Variants in CD38 observed in about 807,000 individuals in gnomAD.
The protein encoded by CD38 is ADP-ribosyl cyclase/cyclic ADP-ribose hydrolase 1.
In CD38, 31 loss-of-function variants were observed where a neutral mutation model predicts 36.3. That is an observed-to-expected ratio of 0.85 (90% CI 0.64 to 1.15). The LOEUF is 1.15. CD38 is among the 50% of genes most tolerant of loss of function. The pLI is 0.00. For synonymous variants in CD38, 131 were observed against 135.2 expected (o/e 0.97, Z 0.22); for missense variants, 380 against 371.9 (o/e 1.02, Z -0.18).
intron 1 of CD38, among the ~76,000 whole-genome samples, chr4:15,802,453 G>C (rs1431092613): frequency 6.6e-6 from 1 of 151,924 alleles, no homozygotes; most frequent in African/African-American, 2.4e-5. Flanking sequence ...AATTTGTTAG[G>C]AACCATAAAA....
chr4:15,831,672 G>C (rs1723962010), intron 3 of CD38, among the ~76,000 whole-genome samples: 1 of 151,930 alleles, frequency 6.6e-6, no homozygotes, highest in Non-Finnish European at 1.5e-5. Flanking sequence ...AAACTCCCTT[G>C]TATGCTATTT....
chr4:15,801,197 C>A (rs1469006143), intron 1 of CD38, among the ~76,000 whole-genome samples: 2 of 151,828 alleles, frequency 1.3e-5, no homozygotes, highest in South Asian at 2.1e-4. Context: ...TTTCTGGGCA[C>A]CTACAACCTA....
rs149661579 is a variant in CD38, at chr4:15,817,742, C to A, written c.363+1102C>A. Among the ~76,000 whole-genome samples the A allele has an allele frequency of 4.7e-4, 72 of 152,290 alleles. No individual in the cohort carries two copies. The South Asian group carries it at 0.011, about 22-fold the overall frequency. On this transcript the variant is annotated intron_variant, in intron 2 of 7. Coordinates refer to ENST00000226279, the MANE Select transcript of CD38 (RefSeq NM_001775.4). Reference sequence around the variant, plus strand: ...GCCCATACTTTAAACCAGTATCCTTCACTGACTCCCATTAAGAATGAATAG... The same window carrying A: ...GCCCATACTTTAAACCAGTATCCTTAACTGACTCCCATTAAGAATGAATAG...
chr4:15,797,964 T>C (rs2148917763), intron 1 of CD38, among the ~76,000 whole-genome samples: 1 of 152,108 alleles, frequency 6.6e-6, no homozygotes, highest in South Asian at 2.1e-4. Flanking sequence ...TTTGGGGGGG[T>C]AAAATTCAAT....
intron 1 of CD38, among the ~76,000 whole-genome samples, chr4:15,791,242 C>T (rs1722978869): frequency 1.7e-5 from 1 of 59,464 alleles, no homozygotes; most frequent in Non-Finnish European, 3.1e-5. Context: ...GCCCGGCCGC[C>T]CGTACTGGGA....
intron 3 of CD38, among the ~76,000 whole-genome samples, chr4:15,833,501 AT>A (rs1351197391): frequency 9.9e-5 from 15 of 152,216 alleles, no homozygotes; most frequent in Admixed American, 7.2e-4. Flanking sequence ...ATATCTACAC[AT>A]GGGAATGTTT....
At chr4:15,802,914 A>C (rs1306700882) in intron 1 of CD38, among the ~76,000 whole-genome samples, 1 of 152,228 alleles carries the variant, frequency 6.6e-6, no homozygotes, top group Non-Finnish European at 1.5e-5. Flanking sequence ...ATAATACTAT[A>C]GTAAAACAGC....
chr4:15,790,714 C>A (rs1199759486), intron 1 of CD38, among the ~76,000 whole-genome samples: 100 of 150,288 alleles, frequency 6.7e-4, no homozygotes, highest in African/African-American at 2.4e-3. Context: ...CGGCCGCCAT[C>A]CCATCTAGGA....
intron 3 of CD38, among the ~76,000 whole-genome samples, chr4:15,830,913 T>A (rs2148926097): frequency 6.6e-6 from 1 of 152,288 alleles, no homozygotes; most frequent in Non-Finnish European, 1.5e-5. Flanking sequence ...CCTGCCATTT[T>A]GTTACTTGTT....
intron 2 of CD38, among the ~76,000 whole-genome samples, chr4:15,819,154 G>T (rs1008892554): frequency 2.6e-5 from 4 of 152,182 alleles, no homozygotes; most frequent in African/African-American, 9.7e-5. Context: ...CATGGACACA[G>T]GGAGGGGAAC....
At chr4:15,794,829 C>T (rs1444027268) in intron 1 of CD38, among the ~76,000 whole-genome samples, 2 of 152,040 alleles carry the variant, frequency 1.3e-5, no homozygotes, top group Admixed American at 6.6e-5. Context: ...AATTTCATTA[C>T]ATTATATAAG....
chr4:15,778,706 C>A lies in CD38; in HGVS notation c.233+59C>A. On this transcript the variant is annotated intron_variant, in intron 1 of 7. Transcript: ENST00000226279. The surrounding 1 kb of genome is among the most constrained non-coding windows in gnomAD (Gnocchi z 4.9). Reference sequence around the variant, plus strand: ...TGCGGGGACAGCAGGGCCCCGCGCGCAGGGAAGCCGCCCGGATCGCCCGGA... The same window carrying A: ...TGCGGGGACAGCAGGGCCCCGCGCGAAGGGAAGCCGCCCGGATCGCCCGGA... The A allele has an allele frequency of 3.2e-6, 4 of 1,240,130 alleles. No homozygotes were observed. The highest frequency in any genetic ancestry group is 4.6e-6 in the Non-Finnish European group (4 of 862,924). 76.8% of individuals were successfully genotyped at this position (1,240,130 alleles called of 1,614,324 possible). A position where few individuals can be genotyped will look rare whatever the true frequency, so the allele number is the denominator to read the frequency against.
intron 1 of CD38, among the ~76,000 whole-genome samples, chr4:15,782,064 C>A (rs1004291077): frequency 6.6e-6 from 1 of 152,116 alleles, no homozygotes; most frequent in Non-Finnish European, 1.5e-5. Flanking sequence ...GCTGGTCAGG[C>A]CTCCCTTCCT....
rs2148924587 is a variant in CD38, at chr4:15,825,000, T to C, written c.483T>C (p.Gly161=). 6.2e-7 allele frequency: 1 copy of C among 1,612,492 alleles called. No homozygotes were observed. The highest frequency in any genetic ancestry group is 8.5e-7 in the Non-Finnish European group (1 of 1,179,168). ...GYLADDLTWC[G]EFNTSKINYQ... Reference sequence around the variant, plus strand: ...TTGCTGATGACCTCACATGGTGTGGTGAATTCAACACTTCCAGTGAGGCTC... The same window carrying C: ...TTGCTGATGACCTCACATGGTGTGGCGAATTCAACACTTCCAGTGAGGCTC... Residue 161 remains glycine (G), a synonymous_variant, in exon 3 of 8, where the codon GGT becomes GGC. Transcript: ENST00000226279.
chr4:15,779,869 C>A (rs1458620636), intron 1 of CD38, among the ~76,000 whole-genome samples: 4 of 151,488 alleles, frequency 2.6e-5, no homozygotes, highest in Non-Finnish European at 5.9e-5. Flanking sequence ...TATCTCATTT[C>A]TTTTGACAGC....
At chr4:15,804,362 T>TG (rs1351088322) in intron 1 of CD38, among the ~76,000 whole-genome samples, 4 of 152,204 alleles carry the variant, frequency 2.6e-5, no homozygotes, top group African/African-American at 9.7e-5. Flanking sequence ...GAAAGCAGTG[T>TG]GGAAGTTCCT....
At chr4:15,784,419 G>GC (rs1722767593) in intron 1 of CD38, among the ~76,000 whole-genome samples, 1 of 152,204 alleles carries the variant, frequency 6.6e-6, no homozygotes, top group South Asian at 2.1e-4. Flanking sequence ...AGATGCTACT[G>GC]CCAGGGAAGA....
chr4:15,799,269 C>T (rs1193164335), intron 1 of CD38, among the ~76,000 whole-genome samples: 1 of 152,092 alleles, frequency 6.6e-6, no homozygotes, highest in Admixed American at 6.6e-5. Flanking sequence ...AATAATCCAT[C>T]CTTTATCGAG....
chr4:15,817,562 T>G (rs1723627806), intron 2 of CD38, among the ~76,000 whole-genome samples: 1 of 152,086 alleles, frequency 6.6e-6, no homozygotes, highest in Non-Finnish European at 1.5e-5. Context: ...TTTATCTCAG[T>G]TAATTTCCCT....
Sources: allele counts gnomAD v4.1 joint callset (sites outside exome capture counted in the v4.1 genomes callset), GRCh38; gene constraint gnomAD v4.1.1; non-coding constraint Gnocchi (gnomAD v3.1); transcripts MANE v1.5; gene names NCBI Gene and HGNC (gene_info 2026-07-23, HGNC 2026-07-21).